NUFIP1: variants seen among roughly 807,000 people sequenced by gnomAD.
NUFIP1 encodes nuclear FMR1 interacting protein 1.
NUFIP1 carries 38 observed loss-of-function variants against 56.2 expected under a neutral mutation model. That is an observed-to-expected ratio of 0.68 (90% CI 0.52 to 0.89). The LOEUF (loss-of-function observed/expected upper bound fraction) is 0.89. NUFIP1 is among the 40% of genes least tolerant of loss of function. The pLI, the probability that NUFIP1 is intolerant of heterozygous loss-of-function variation, is 0.00. For missense variants in NUFIP1, 567 were observed against 605.8 expected (o/e 0.94, Z 0.67); for synonymous variants, 215 against 212.4 (o/e 1.01, Z -0.10).
In NUFIP1 at chr13:44,941,304, G is replaced by C. The variant is rs372190571; in HGVS notation, c.1390C>G (p.Arg464Gly). ...LLEMLLAPDI[R>G]HERNVILQCV... ...TGCAAAATCACATTTCTTTCATGTC[G>C]AATGTCCGGAGCTAGAAGCTAAAAC... Residue 464 changes from arginine to glycine, a missense_variant, in exon 10 of 10, where the codon CGA becomes GGA. By Grantham distance (125) the Arg-to-Gly change is moderately radical. Transcript: ENST00000379161. 3.1e-6 allele frequency: 5 copies of C among 1,607,440 alleles called. No individual in the cohort carries two copies. Among genetic ancestry groups the C allele is most frequent in the Non-Finnish European group, 4.2e-6 (5 of 1,177,380 alleles).
chr13:44,976,795 C>T (rs566644741), intron 5 of NUFIP1, among the ~76,000 whole-genome samples: 1 of 152,204 alleles, frequency 6.6e-6, no homozygotes, highest in East Asian at 1.9e-4. Context: ...TCTGCAGAGG[C>T]CCAAGGCAGC....
At chr13:44,978,668 C>T (rs900671987) in intron 5 of NUFIP1, among the ~76,000 whole-genome samples, 1 of 152,150 alleles carries the variant, frequency 6.6e-6, no homozygotes, top group Non-Finnish European at 1.5e-5. Flanking sequence ...GAACAAGCAC[C>T]TGTATCTCTT....
intron 8 of NUFIP1, among the ~76,000 whole-genome samples, chr13:44,944,554 G>C (rs1870850544): frequency 6.6e-6 from 1 of 151,988 alleles, no homozygotes; most frequent in Non-Finnish European, 1.5e-5. Flanking sequence ...CAGAAAATTC[G>C]TAGGGATACA....
intron 7 of NUFIP1, among the ~76,000 whole-genome samples, chr13:44,955,114 A>C (rs1321979840): frequency 3.3e-5 from 5 of 152,266 alleles, no homozygotes; most frequent in Admixed American, 3.3e-4. Flanking sequence ...CAATGGCAAC[A>C]AAATGAACTG....
chr13:44,960,354 C>T lies in NUFIP1; in HGVS notation c.828-780G>A, dbSNP rs562994110. ...CATGATCTTGGCTCACTGCAACTTC[C>T]ACCTCCTGGGTTCTAGCGATTCTCC... On this transcript the variant is annotated intron_variant, in intron 6 of 9. Transcript: ENST00000379161. 2.6e-5 allele frequency among the ~76,000 whole-genome samples: 4 copies of T among 152,250 alleles called. No individual in the cohort carries two copies. In the East Asian group the frequency reaches 5.8e-4, roughly 22 times the overall value.
intron 7 of NUFIP1, 88 bp from the exon 8 acceptor site, chr13:44,949,926 A>T (rs903561490): frequency 2.4e-6 from 2 of 839,688 alleles, no homozygotes; most frequent in African/African-American, 3.3e-5. Context: ...GTGAAAATTA[A>T]GTAATTTCTG....
intron 5 of NUFIP1, among the ~76,000 whole-genome samples, chr13:44,975,417 A>C (rs1332006117): frequency 2.0e-5 from 3 of 152,102 alleles, no homozygotes; most frequent in African/African-American, 4.8e-5. Context: ...ACCACCTTTC[A>C]TAGAGGTGCT....
intron 4 of NUFIP1, among the ~76,000 whole-genome samples, 158 bp downstream of exon 4, chr13:44,979,732 T>C (rs182887897): frequency 1.3e-5 from 2 of 152,300 alleles, no homozygotes; most frequent in African/African-American, 4.8e-5. Context: ...ACAACCATAG[T>C]TGTTTGTGAG....
intron 8 of NUFIP1, among the ~76,000 whole-genome samples, chr13:44,946,887 T>C (rs1870917275): frequency 6.6e-6 from 1 of 152,206 alleles, no homozygotes; most frequent in African/African-American, 2.4e-5. Flanking sequence ...GAATTAATAC[T>C]GAAAGCTAGA....
intron 5 of NUFIP1, among the ~76,000 whole-genome samples, chr13:44,969,975 G>C (rs1871747012): frequency 6.6e-6 from 1 of 152,262 alleles, no homozygotes; most frequent in South Asian, 2.1e-4. Flanking sequence ...CAGATCTCCT[G>C]TGTTGGAATT....
intron 5 of NUFIP1, among the ~76,000 whole-genome samples, chr13:44,970,826 C>T (rs972932699): frequency 6.6e-6 from 1 of 152,100 alleles, no homozygotes; most frequent in African/African-American, 2.4e-5. Context: ...AGGTGCGTGC[C>T]ACGATGCCCA....
intron 5 of NUFIP1, among the ~76,000 whole-genome samples, chr13:44,974,764 C>T (rs529619728): frequency 6.6e-6 from 1 of 152,272 alleles, no homozygotes; most frequent in South Asian, 2.1e-4. Flanking sequence ...GTTGCTCAGG[C>T]TTGGCCGTTA....
Position 44,940,468 on chromosome 13 carries a change from A to G in NUFIP1, c.*738T>C, listed in dbSNP as rs989245522. On this transcript the variant is annotated 3_prime_UTR_variant, in exon 10 of 10. Coordinates refer to ENST00000379161, the MANE Select transcript of NUFIP1 (RefSeq NM_012345.3). ...TCCCTTTTAGCTGTATGTCAAAAGG[A>G]CAGACCAATAGCTACAGCTAGTACA... is the stretch of plus-strand genomic sequence containing the variant. The G allele has an allele frequency of 1.3e-5, 2 of 152,270 alleles. No individual in the cohort carries two copies. The highest frequency in any genetic ancestry group is 4.8e-5 in the African/African-American group (2 of 41,474). 9.4% of individuals were successfully genotyped at this position (152,270 alleles called of 1,614,324 possible). A position where few individuals can be genotyped will look rare whatever the true frequency, so the allele number is the denominator to read the frequency against.
intron 7 of NUFIP1, among the ~76,000 whole-genome samples, chr13:44,954,713 A>T (rs996553597): frequency 3.3e-5 from 5 of 152,174 alleles, no homozygotes; most frequent in African/African-American, 7.2e-5. Flanking sequence ...AGTATTCTTT[A>T]AAAAATGCAA....
intron 1 of NUFIP1, among the ~76,000 whole-genome samples, chr13:44,988,753 A>T (rs1486386067): frequency 2.0e-5 from 3 of 152,218 alleles, no homozygotes; most frequent in African/African-American, 7.2e-5. Flanking sequence ...AATATTATAT[A>T]AACTTAGTTG....
At chr13:44,950,399 G>A (rs965366578) in intron 7 of NUFIP1, among the ~76,000 whole-genome samples, 9 of 152,196 alleles carry the variant, frequency 5.9e-5, no homozygotes, top group African/African-American at 2.2e-4. Flanking sequence ...AGGCTGAAGT[G>A]CAGTGGCATA....
chr13:44,964,617 A>G (rs1230548542), intron 6 of NUFIP1, among the ~76,000 whole-genome samples: 1 of 152,094 alleles, frequency 6.6e-6, no homozygotes, highest in Non-Finnish European at 1.5e-5. Context: ...AAAAAACTAC[A>G]GAAAGAGAGA....
At chr13:44,981,026 A>G (rs1439630122) in intron 2 of NUFIP1, among the ~76,000 whole-genome samples, 1 of 152,228 alleles carries the variant, frequency 6.6e-6, no homozygotes, top group African/African-American at 2.4e-5. Flanking sequence ...AGTGAAACCC[A>G]GGCATAATTT....
intron 5 of NUFIP1, among the ~76,000 whole-genome samples, chr13:44,971,803 A>G (rs1053355691): frequency 2.0e-5 from 3 of 152,184 alleles, no homozygotes; most frequent in African/African-American, 7.2e-5. Context: ...ATATTTGCAT[A>G]TGCAAGAACA....
Sources: allele counts gnomAD v4.1 joint callset (sites outside exome capture counted in the v4.1 genomes callset), GRCh38; gene constraint gnomAD v4.1.1; transcripts MANE v1.5; gene names NCBI Gene and HGNC (gene_info 2026-07-23, HGNC 2026-07-21).